NUBPL: variants seen among roughly 807,000 people sequenced by gnomAD.
NUBPL encodes NUBP iron-sulfur cluster assembly factor, mitochondrial.
NUBPL carries 31 observed loss-of-function variants against 45.7 expected under a neutral mutation model. The ratio of observed to expected loss-of-function variants is 0.68; its 90% CI spans 0.51 to 0.92. NUBPL has a LOEUF of 0.92. Among genes scored for constraint, NUBPL ranks in the 40% least tolerant of loss-of-function variants. The pLI, the probability that NUBPL is intolerant of heterozygous loss-of-function variation, is 0.00. For synonymous variants in NUBPL, 144 were observed against 140.9 expected, an observed-to-expected ratio of 1.02 and a Z score of -0.15; for missense variants, 401 against 398.7, an observed-to-expected ratio of 1.01 and a Z score of -0.05.
chr14:31,669,804 T>G (rs1394052230), intron 4 of NUBPL, among the ~76,000 whole-genome samples: 14 of 62,202 alleles, frequency 2.3e-4, no homozygotes, highest in African/African-American at 5.9e-4. Context: ...TTGGTTTTTT[T>G]TTTTGTTTTT....
intron 6 of NUBPL, among the ~76,000 whole-genome samples, chr14:31,693,857 C>CTTT (rs36082577): frequency 1.0e-4 from 6 of 59,160 alleles, no homozygotes; most frequent in African/African-American, 1.7e-4. Flanking sequence ...CTTTTCTTTT[C>CTTT]TTTTTTTTTT....
chr14:31,595,120 A>G (rs2139540759), intron 3 of NUBPL, among the ~76,000 whole-genome samples: 1 of 152,336 alleles, frequency 6.6e-6, no homozygotes, highest in South Asian at 2.1e-4. Context: ...ACACAAAAAT[A>G]AGACGTGTAG....
intron 6 of NUBPL, among the ~76,000 whole-genome samples, chr14:31,678,356 G>A (rs1042500152): frequency 1.3e-5 from 2 of 152,204 alleles, no homozygotes; most frequent in Admixed American, 1.3e-4. Context: ...TTATCAAGTA[G>A]ATGAAGTCTG....
chr14:31,632,869 A>G (rs2035381078), intron 4 of NUBPL, among the ~76,000 whole-genome samples: 1 of 152,230 alleles, frequency 6.6e-6, no homozygotes. Context: ...ATTCACGTCC[A>G]TAAAAGTGGT....
chr14:31,621,867 T>G (rs77301942), intron 4 of NUBPL, among the ~76,000 whole-genome samples: 2 of 152,158 alleles, frequency 1.3e-5, no homozygotes, highest in Non-Finnish European at 2.9e-5. Context: ...CCTCTAAAGA[T>G]AACCTTAAAA....
intron 4 of NUBPL, among the ~76,000 whole-genome samples, chr14:31,616,105 G>A (rs2034891693): frequency 6.6e-6 from 1 of 152,082 alleles, no homozygotes; most frequent in Admixed American, 6.6e-5. Context: ...TTTGAGAAGT[G>A]TCTCTTCATA....
At chr14:31,692,249 C>G (rs2037110963) in intron 6 of NUBPL, among the ~76,000 whole-genome samples, 1 of 152,018 alleles carries the variant, frequency 6.6e-6, no homozygotes, top group East Asian at 1.9e-4. Flanking sequence ...TAAAATTTTT[C>G]TGTTGTTAAG....
intron 8 of NUBPL, among the ~76,000 whole-genome samples, chr14:31,835,509 T>C (rs2040266863): frequency 6.6e-6 from 1 of 152,226 alleles, no homozygotes; most frequent in South Asian, 2.1e-4. Flanking sequence ...TTACATTACT[T>C]AGCATAGCCT....
chr14:31,642,013 A>G (rs576864358), intron 4 of NUBPL, among the ~76,000 whole-genome samples: 20 of 152,308 alleles, frequency 1.3e-4, no homozygotes, highest in African/African-American at 4.8e-4. Context: ...TCTTTTGCCT[A>G]TTTAAAAATC....
At position 31,793,764 on chromosome 14, in the gene NUBPL, A is replaced by T. The variant is rs116457329; in HGVS notation, c.607+5891A>T. Reference sequence around the variant, plus strand: ...TATGCAATTAATATTAACTGAGTCAATGACAAAGCTAGTCTGACTAGCTAT... The same window carrying T: ...TATGCAATTAATATTAACTGAGTCATTGACAAAGCTAGTCTGACTAGCTAT... On this transcript the variant is annotated intron_variant, in intron 7 of 10. Coordinates refer to ENST00000281081, the MANE Select transcript of NUBPL (RefSeq NM_025152.3). 6.1e-3 allele frequency among the ~76,000 whole-genome samples: 918 copies of T among 151,622 alleles called. 12 individuals carry two copies. The highest frequency in any genetic ancestry group is 0.021 in the African/African-American group (863 of 41,278).
chr14:31,733,122 A>G (rs748817464), intron 6 of NUBPL, among the ~76,000 whole-genome samples: 25 of 152,262 alleles, frequency 1.6e-4, no homozygotes, highest in African/African-American at 6.0e-4. Context: ...AAATGTAAAG[A>G]TATTTTCCCC....
At chr14:31,609,584 T>C (rs915045356) in intron 4 of NUBPL, among the ~76,000 whole-genome samples, 2 of 152,182 alleles carry the variant, frequency 1.3e-5, no homozygotes, top group Non-Finnish European at 1.5e-5. Flanking sequence ...CTAATAGATA[T>C]TTACAGAGCA....
At chr14:31,600,613 T>G (rs1214599844) in intron 4 of NUBPL, among the ~76,000 whole-genome samples, 2 of 152,250 alleles carry the variant, frequency 1.3e-5, no homozygotes, top group Non-Finnish European at 2.9e-5. Flanking sequence ...ACCTGCTGTA[T>G]AGTGATTCAG....
intron 10 of NUBPL, among the ~76,000 whole-genome samples, chr14:31,853,952 G>A (rs2040579485): frequency 6.6e-6 from 1 of 152,180 alleles, no homozygotes; most frequent in African/African-American, 2.4e-5. Context: ...GAATGGACCT[G>A]TGATTAGCTG....
intron 6 of NUBPL, among the ~76,000 whole-genome samples, chr14:31,710,410 C>T (rs777968027): frequency 1.1e-4 from 17 of 152,098 alleles, no homozygotes; most frequent in South Asian, 2.1e-4. Context: ...GGAATAGTTG[C>T]GCTCACCAAC....
chr14:31,703,884 A>C (rs572075122), intron 6 of NUBPL, among the ~76,000 whole-genome samples: 2 of 152,186 alleles, frequency 1.3e-5, no homozygotes, highest in South Asian at 4.2e-4. Context: ...GCTGTGGATC[A>C]ACAGGAGATT....
intron 6 of NUBPL, chr14:31,702,994 T>A (rs1352915002): frequency 6.6e-6 from 1 of 152,320 alleles, no homozygotes; most frequent in South Asian, 2.1e-4. Flanking sequence ...TTTAATGAAG[T>A]CTTAAGTAGA....
At chr14:31,768,220 A>G (rs1003874376) in intron 6 of NUBPL, among the ~76,000 whole-genome samples, 3 of 152,214 alleles carry the variant, frequency 2.0e-5, no homozygotes, top group Non-Finnish European at 2.9e-5. Flanking sequence ...CTATCAAGCA[A>G]TAGGGCAAAG....
chr14:31,775,532 C>T (rs2039083946), intron 6 of NUBPL, among the ~76,000 whole-genome samples: 1 of 152,216 alleles, frequency 6.6e-6, no homozygotes, highest in Admixed American at 6.5e-5. Context: ...CAGGGAGCCT[C>T]TCTTGGCTGA....
Sources: gnomAD v4.1 joint callset for allele counts (sites outside exome capture counted in the v4.1 genomes callset) on GRCh38, gnomAD v4.1.1 for gene constraint, MANE v1.5 for transcripts, NCBI Gene and HGNC (gene_info 2026-07-23, HGNC 2026-07-21) for gene names.